Variants in MBD5 observed in about 807,000 individuals in gnomAD.
The protein encoded by MBD5 is methyl-CpG-binding domain protein 5.
A neutral mutation model predicts 117.3 loss-of-function variants in MBD5; 13 were observed. That is an observed-to-expected ratio of 0.11 (90% CI 0.07 to 0.18). The LOEUF (loss-of-function observed/expected upper bound fraction) is 0.18. Among genes scored for constraint, MBD5 ranks in the 10% least tolerant of loss-of-function variants. The pLI is 1.00. For missense variants in MBD5, 1,879 were observed against 2,093.8 expected, an observed-to-expected ratio of 0.90 and a Z score of 2.00; for synonymous variants, 727 against 766.4, an observed-to-expected ratio of 0.95 and a Z score of 0.85.
intron 1 of MBD5, among the ~76,000 whole-genome samples, chr2:148,142,976 C>T (rs1291099176): frequency 6.6e-6 from 1 of 152,074 alleles, no homozygotes; most frequent in Non-Finnish European, 1.5e-5. Context: ...CAGACATTGA[C>T]CATTCATTTA....
chr2:148,401,301 G>A (rs1704913117), intron 4 of MBD5, among the ~76,000 whole-genome samples: 6 of 151,908 alleles, frequency 3.9e-5, no homozygotes. Flanking sequence ...TCAGCAGCAC[G>A]GTTTAAAGCC....
intron 1 of MBD5, among the ~76,000 whole-genome samples, chr2:148,022,544 A>G (rs769096692): frequency 2.6e-5 from 4 of 152,184 alleles, no homozygotes; most frequent in Non-Finnish European, 4.4e-5. Context: ...AGTAATCCCC[A>G]TTGAAAACTT....
chr2:148,117,420 T>TA (rs1224846862), intron 1 of MBD5, among the ~76,000 whole-genome samples: 1 of 152,182 alleles, frequency 6.6e-6, no homozygotes, highest in Non-Finnish European at 1.5e-5. Flanking sequence ...CAATAGAACT[T>TA]ACAATATTTA....
intron 3 of MBD5, among the ~76,000 whole-genome samples, chr2:148,331,842 A>G (rs1031957414): frequency 7.9e-5 from 12 of 152,174 alleles, no homozygotes; most frequent in African/African-American, 2.9e-4. Context: ...GTTTTGGGTC[A>G]AGTTACTTCT....
At position 148,170,640 on chromosome 2, in the gene MBD5, C is replaced by T. The variant is rs556757335; in HGVS notation, c.-924-8060C>T. 1.4e-4 allele frequency among the ~76,000 whole-genome samples: 21 copies of T among 152,158 alleles called. No homozygotes were observed. In the South Asian group the frequency reaches 4.1e-3, roughly 30 times the overall value. On this transcript the variant is annotated intron_variant, in intron 1 of 13. Transcript: ENST00000642680. ...AGAATGACTGGGATCTTGAAGGCTA[C>T]GAGAAAGTTGCATAATACTAATACT...
chr2:148,073,961 C>T (rs912565467), intron 1 of MBD5, among the ~76,000 whole-genome samples: 5 of 151,896 alleles, frequency 3.3e-5, no homozygotes, highest in African/African-American at 1.2e-4. Context: ...AAATTGTTGC[C>T]CCTGGTTATT....
At chr2:148,157,797 C>T (rs184668056) in intron 1 of MBD5, among the ~76,000 whole-genome samples, 24 of 152,244 alleles carry the variant, frequency 1.6e-4, no homozygotes, top group African/African-American at 5.5e-4. Context: ...GAAATGGGCT[C>T]TCTCAGGTGC....
chr2:148,113,349 C>T (rs1696547181), intron 1 of MBD5, among the ~76,000 whole-genome samples: 1 of 152,062 alleles, frequency 6.6e-6, no homozygotes, highest in South Asian at 2.1e-4. Context: ...GGGAATATTA[C>T]CTTGTCAAAA....
At chr2:148,402,503 T>C (rs1348583838) in intron 4 of MBD5, among the ~76,000 whole-genome samples, 1 of 152,156 alleles carries the variant, frequency 6.6e-6, no homozygotes, top group Non-Finnish European at 1.5e-5. Flanking sequence ...TTGTATTTCC[T>C]TCTAATTCCT....
intron 1 of MBD5, among the ~76,000 whole-genome samples, chr2:148,128,574 C>A (rs1430692499): frequency 6.6e-6 from 1 of 152,122 alleles, no homozygotes; most frequent in South Asian, 2.1e-4. Context: ...ATGCATAAAT[C>A]TTTATATGCA....
chr2:148,359,048 G>C (rs918195909), intron 4 of MBD5, among the ~76,000 whole-genome samples: 3 of 151,968 alleles, frequency 2.0e-5, no homozygotes, highest in Non-Finnish European at 4.4e-5. Context: ...GATCACCTGA[G>C]GTCAGGAGTT....
chr2:148,277,746 T>C (rs1701149375), intron 3 of MBD5, among the ~76,000 whole-genome samples: 1 of 152,176 alleles, frequency 6.6e-6, no homozygotes, highest in South Asian at 2.1e-4. Flanking sequence ...CTCTTTCTTC[T>C]TTCTTATATT....
At chr2:148,430,011 C>T (rs1705934813) in intron 4 of MBD5, among the ~76,000 whole-genome samples, 1 of 152,062 alleles carries the variant, frequency 6.6e-6, no homozygotes, top group South Asian at 2.1e-4. Flanking sequence ...ATATTGATGA[C>T]TATTTTTAAA....
chr2:148,398,185 G>A (rs577730448), intron 4 of MBD5, among the ~76,000 whole-genome samples: 20 of 152,182 alleles, frequency 1.3e-4, no homozygotes, highest in African/African-American at 4.8e-4. Flanking sequence ...GGGATGGCTG[G>A]GTCAAATGGT....
intron 7 of MBD5, among the ~76,000 whole-genome samples, chr2:148,464,802 T>TA (rs10693462): frequency 8.9e-5 from 13 of 146,240 alleles, no homozygotes; most frequent in African/African-American, 3.0e-4. Flanking sequence ...TAAAATAATT[T>TA]AAAAAAAAAA....
intron 4 of MBD5, among the ~76,000 whole-genome samples, chr2:148,385,876 C>A (rs201825835): frequency 1.3e-5 from 2 of 148,344 alleles, no homozygotes; most frequent in African/African-American, 5.0e-5. Context: ...AACCAAACAC[C>A]ACATGTTCTC....
In MBD5 at chr2:148,249,598, T is replaced by A. The variant is rs149995950; in HGVS notation, c.-680+16203T>A. Among the ~76,000 whole-genome samples the A allele has an allele frequency of 3.3e-3, 496 of 152,296 alleles. 1 individual carries two copies. Among genetic ancestry groups the A allele is most frequent in the African/African-American group, 0.012 (480 of 41,580 alleles). Reference sequence around the variant, plus strand: ...CTCTTCTTGTATAGTATCATGTAGATACTGTACTATATACTGGAGAATTAC... The same window carrying A: ...CTCTTCTTGTATAGTATCATGTAGAAACTGTACTATATACTGGAGAATTAC... On this transcript the variant is annotated intron_variant, in intron 3 of 13. Coordinates refer to ENST00000642680, the MANE Select transcript of MBD5 (RefSeq NM_001378120.1).
intron 1 of MBD5, among the ~76,000 whole-genome samples, chr2:148,130,754 G>A (rs1224251535): frequency 6.6e-6 from 1 of 152,182 alleles, no homozygotes. Flanking sequence ...CACATTGCAG[G>A]CTTTGGTTTG....
intron 1 of MBD5, among the ~76,000 whole-genome samples, chr2:148,163,678 G>C (rs1044196540): frequency 1.1e-4 from 17 of 152,154 alleles, no homozygotes; most frequent in African/African-American, 3.9e-4. Flanking sequence ...GCCTCCCAAA[G>C]TGCTGGGATT....
Sources: gnomAD v4.1 joint callset for allele counts (sites outside exome capture counted in the v4.1 genomes callset) on GRCh38, gnomAD v4.1.1 for gene constraint, MANE v1.5 for transcripts, NCBI Gene and HGNC (gene_info 2026-07-23, HGNC 2026-07-21) for gene names.